MKRN2: variants seen among roughly 807,000 people sequenced by gnomAD.
MKRN2 encodes the protein E3 ubiquitin-protein ligase makorin-2.
A neutral mutation model predicts 45.4 loss-of-function variants in MKRN2; 32 were observed. That is an observed-to-expected ratio of 0.70 (90% CI 0.53 to 0.95). MKRN2 has a LOEUF of 0.95. Among genes scored for constraint, MKRN2 ranks in the 40% least tolerant of loss-of-function variants. The pLI, the probability that MKRN2 is intolerant of heterozygous loss-of-function variation, is 0.00. For missense variants in MKRN2, 526 were observed against 536.7 expected (o/e 0.98, Z 0.20); for synonymous variants, 206 against 192.4 (o/e 1.07, Z -0.59).
At position 12,575,021 on chromosome 3, in the gene MKRN2, G is replaced by A. The variant is rs748564051; in HGVS notation, c.857+15G>A. On this transcript the variant is annotated intron_variant, in intron 5 of 7. Transcript: ENST00000170447. ...CCAATCATTAAGTAAGTACAGCCAG[G>A]GGTCTTAGCTGTGGGAGCTAGGAGA... The A allele has an allele frequency of 3.1e-6, 5 of 1,607,952 alleles. No individual in the cohort carries two copies. The highest frequency in any genetic ancestry group is 4.3e-6 in the Non-Finnish European group (5 of 1,174,556).
At chr3:12,581,386 G>A (rs2058177448) in intron 6 of MKRN2, among the ~76,000 whole-genome samples, 1 of 152,178 alleles carries the variant, frequency 6.6e-6, no homozygotes, top group African/African-American at 2.4e-5. Context: ...GAAGGGGAGA[G>A]TTGGCTTGGT....
rs988813973 is a variant in MKRN2 at position 12,582,898 on chromosome 3, C to G, written c.*645C>G. 1 of 152,478 alleles carries G rather than the reference C, an allele frequency of 6.6e-6. No individual in the cohort carries two copies. Among genetic ancestry groups the G allele is most frequent in the South Asian group, 2.1e-4 (1 of 4,846 alleles). The allele number at this position is 152,478 out of a possible 1,614,324, so 9.4% of individuals were successfully genotyped here. ...CAGCAAACAAAGTGGAAGTATAGAT[C>G]TTCTTCTCCCTTAGGGAGGCTCTTG... On this transcript the variant is annotated 3_prime_UTR_variant, in exon 8 of 8. Transcript: ENST00000170447.
At position 12,574,304 on chromosome 3, in the gene MKRN2, C is replaced by T. The variant is rs184843280; in HGVS notation, c.643-488C>T. 5.3e-5 allele frequency among the ~76,000 whole-genome samples: 8 copies of T among 152,318 alleles called. No individual in the cohort carries two copies. In the East Asian group the frequency reaches 1.2e-3, roughly 22 times the overall value. On this transcript the variant is annotated intron_variant, in intron 4 of 7. Coordinates refer to ENST00000170447, the MANE Select transcript of MKRN2 (RefSeq NM_014160.5). Reference sequence around the variant, plus strand: ...GCACATAGAAGGAATTCAGGGCATGCCTAGTGAATGAATGAATTCATTGAA... The same window carrying T: ...GCACATAGAAGGAATTCAGGGCATGTCTAGTGAATGAATGAATTCATTGAA...
chr3:12,561,593 T>G (rs1174947007), intron 1 of MKRN2, among the ~76,000 whole-genome samples: 1 of 152,188 alleles, frequency 6.6e-6, no homozygotes, highest in African/African-American at 2.4e-5. Flanking sequence ...GAGACCAGCC[T>G]GGGCAACATA....
intron 6 of MKRN2, among the ~76,000 whole-genome samples, chr3:12,579,376 A>G (rs1003642920): frequency 6.6e-6 from 1 of 152,170 alleles, no homozygotes; most frequent in African/African-American, 2.4e-5. Context: ...CATGTTGGCC[A>G]GGCTGGTCTT....
intron 4 of MKRN2, among the ~76,000 whole-genome samples, chr3:12,573,406 A>G (rs888570499): frequency 4.0e-5 from 6 of 148,964 alleles, no homozygotes; most frequent in Non-Finnish European, 7.4e-5. Flanking sequence ...GGTGGTGCAC[A>G]CCTGTAGTCC....
At chr3:12,563,219 A>G (rs2058050003) in intron 1 of MKRN2, among the ~76,000 whole-genome samples, 1 of 152,228 alleles carries the variant, frequency 6.6e-6, no homozygotes, top group Admixed American at 6.5e-5. Flanking sequence ...GAGGTGGCTC[A>G]TACTAGCCAA....
intron 1 of MKRN2, among the ~76,000 whole-genome samples, chr3:12,563,739 C>T (rs1306267756): frequency 1.4e-5 from 2 of 142,872 alleles, no homozygotes; most frequent in African/African-American, 2.6e-5. Context: ...CCGCCTGCCT[C>T]GGCCTCCCAA....
intron 1 of MKRN2, among the ~76,000 whole-genome samples, chr3:12,567,541 T>C (rs1212101917): frequency 2.1e-5 from 3 of 143,698 alleles, no homozygotes; most frequent in African/African-American, 7.8e-5. Flanking sequence ...CAGGCTGGAG[T>C]GCAATGGCGC....
In MKRN2 at chr3:12,568,961, A is replaced by G; in HGVS notation, c.113A>G (p.Lys38Arg). ...AACAGCAAACCGTCCACCATCTGCAAGTACTACCAGAAGGGCTACTGTGCC... is the reference window on the plus strand; with the variant it reads ...AACAGCAAACCGTCCACCATCTGCAGGTACTACCAGAAGGGCTACTGTGCC... The part of the protein sequence containing the change: ...LANSKPSTIC[K>R]YYQKGYCAYG... The change falls in exon 2 of 8, where the codon AAG (lysine) becomes AGG (arginine). Residue 38 changes from lysine to arginine, a missense_variant. Lys to Arg is a conservative substitution (Grantham distance 26). Coordinates refer to ENST00000170447, the MANE Select transcript of MKRN2 (RefSeq NM_014160.5). The G allele has an allele frequency of 6.2e-7, 1 of 1,614,168 alleles. No homozygotes were observed. Among genetic ancestry groups the G allele is most frequent in the Non-Finnish European group, 8.5e-7 (1 of 1,180,024 alleles).
In MKRN2 at chr3:12,570,110, T is replaced by C. The variant is rs753189907; in HGVS notation, c.195T>C (p.Ala65=). Residue 65 remains alanine (A), a synonymous_variant, in exon 3 of 8, where the codon GCT becomes GCC. Coordinates refer to ENST00000170447, the MANE Select transcript of MKRN2 (RefSeq NM_014160.5). The part of the protein sequence containing the change: ...HTRPSAAAGG[A]VGTMAHSVPS... The stretch of plus-strand genomic sequence containing the variant: ...GGCCCTCTGCTGCAGCTGGAGGTGC[T>C]GTGGGCACCATGGCCCACAGTGTGC... 6.2e-6 allele frequency: 10 copies of C among 1,613,880 alleles called. No individual in the cohort carries two copies. The Admixed American group carries it at 6.7e-5, about 11-fold the overall frequency.
chr3:12,559,671 A>G (rs1253582803), intron 1 of MKRN2, among the ~76,000 whole-genome samples: 1 of 152,174 alleles, frequency 6.6e-6, no homozygotes, highest in Non-Finnish European at 1.5e-5. Context: ...CTGCTCGTAC[A>G]GTTATGCTGT....
intron 6 of MKRN2, among the ~76,000 whole-genome samples, chr3:12,579,390 C>A (rs1268846052): frequency 1.3e-5 from 2 of 152,138 alleles, no homozygotes; most frequent in Non-Finnish European, 1.5e-5. Flanking sequence ...TGGTCTTGAA[C>A]TCCTGGCCTC....
intron 6 of MKRN2, among the ~76,000 whole-genome samples, chr3:12,580,352 G>A (rs1159655692): frequency 6.6e-6 from 1 of 152,148 alleles, no homozygotes. Flanking sequence ...GCAAGCAGGG[G>A]CCTGGAGGAT....
intron 1 of MKRN2, among the ~76,000 whole-genome samples, chr3:12,564,857 A>G (rs142082933): frequency 6.6e-6 from 1 of 152,366 alleles, no homozygotes; most frequent in Non-Finnish European, 1.5e-5. Context: ...CATTGCATAT[A>G]AATGGAATCA....
chr3:12,559,436 G>GT (rs1194570649), intron 1 of MKRN2, among the ~76,000 whole-genome samples: 4 of 151,818 alleles, frequency 2.6e-5, no homozygotes, highest in East Asian at 1.9e-4. Flanking sequence ...GGTTTTGTTT[G>GT]TTTTTTTGTT....
chr3:12,579,726 A>G (rs565776333), intron 6 of MKRN2, among the ~76,000 whole-genome samples: 1 of 152,194 alleles, frequency 6.6e-6, no homozygotes, highest in South Asian at 2.1e-4. Context: ...TGGCATTGAA[A>G]CAGGTGTGTA....
intron 1 of MKRN2, among the ~76,000 whole-genome samples, chr3:12,557,604 C>T (rs1272949130): frequency 6.6e-6 from 1 of 152,204 alleles, no homozygotes; most frequent in Non-Finnish European, 1.5e-5. Flanking sequence ...ATTATGAGGG[C>T]CTCAAAGTTT....
At chr3:12,563,706 T>A in intron 1 of MKRN2, among the ~76,000 whole-genome samples, 1 of 55,544 alleles carries the variant, frequency 1.8e-5, no homozygotes, top group Non-Finnish European at 3.3e-5. Flanking sequence ...GCCAGGCTGG[T>A]CTTGAACTCC....
Sources: allele counts gnomAD v4.1 joint callset (sites outside exome capture counted in the v4.1 genomes callset), GRCh38; gene constraint gnomAD v4.1.1; transcripts MANE v1.5; gene names NCBI Gene and HGNC (gene_info 2026-07-23, HGNC 2026-07-21).